Variants in JAK2 observed in about 807,000 individuals in gnomAD.
JAK2 encodes tyrosine-protein kinase JAK2.
JAK2 carries 86 observed loss-of-function variants against 139.3 expected under a neutral mutation model. That is an observed-to-expected ratio of 0.62 (90% confidence interval 0.52 to 0.74). The LOEUF is 0.74. JAK2 is among the 30% of genes least tolerant of loss of function. The pLI is 0.00. For missense variants in JAK2, 1,421 were observed against 1,360.3 expected, an observed-to-expected ratio of 1.04 and a Z score of -0.70; for synonymous variants, 490 against 437.7, an observed-to-expected ratio of 1.12 and a Z score of -1.49.
intron 2 of JAK2, among the ~76,000 whole-genome samples, chr9:5,009,275 C>T (rs1821528781): frequency 6.6e-6 from 1 of 151,898 alleles, no homozygotes; most frequent in East Asian, 1.9e-4. Context: ...GCAAAAGAGG[C>T]AAAATTAAGA....
chr9:5,099,439 TATC>T (rs1429497239), intron 22 of JAK2: 1 of 152,216 alleles, frequency 6.6e-6, no homozygotes, highest in Non-Finnish European at 1.5e-5. Flanking sequence ...GATCCATTAT[TATC>T]CTGTCAATAA....
At chr9:5,042,922 T>C (rs576832185) in intron 4 of JAK2, among the ~76,000 whole-genome samples, 2 of 152,258 alleles carry the variant, frequency 1.3e-5, no homozygotes, top group African/African-American at 4.8e-5. Context: ...AGGTGGGCCC[T>C]GCTAGGAGGG....
At chr9:5,118,916 T>C (rs2130837503) in intron 22 of JAK2, among the ~76,000 whole-genome samples, 1 of 152,332 alleles carries the variant, frequency 6.6e-6, no homozygotes, top group African/African-American at 2.4e-5. Flanking sequence ...GGTTCATCTG[T>C]TTTCTCAATT....
chr9:5,021,512 T>C (rs910908587), intron 2 of JAK2, among the ~76,000 whole-genome samples: 3 of 152,260 alleles, frequency 2.0e-5, no homozygotes, highest in Non-Finnish European at 4.4e-5. Context: ...TTGTATGTAG[T>C]AATACACGAT....
At chr9:5,066,256 A>G (rs1409266857) in intron 9 of JAK2, among the ~76,000 whole-genome samples, 2 of 152,162 alleles carry the variant, frequency 1.3e-5, no homozygotes, top group Non-Finnish European at 2.9e-5. Context: ...CGTACTGAAT[A>G]ATAAAATCAT....
At chr9:4,992,953 A>T (rs1216782342) in intron 2 of JAK2, among the ~76,000 whole-genome samples, 1 of 151,976 alleles carries the variant, frequency 6.6e-6, no homozygotes, top group Non-Finnish European at 1.5e-5. Flanking sequence ...TGAATTATTT[A>T]TCTCCCCCAC....
Position 4,985,308 on chromosome 9 carries a change from C to T in JAK2, c.-431C>T, listed in dbSNP as rs1044266134. ...GCAGCGGACGCCGCTAACGGCCTCC[C>T]TCGGCGCTGACAGGCTGGGCCGGCG... On this transcript the variant is annotated 5_prime_UTR_variant, in exon 1 of 25. Coordinates refer to ENST00000381652, the MANE Select transcript of JAK2 (RefSeq NM_004972.4). 2.0e-5 allele frequency: 3 copies of T among 152,424 alleles called. No homozygotes were observed. Among genetic ancestry groups the T allele is most frequent in the African/African-American group, 7.2e-5 (3 of 41,440 alleles). The allele number at this position is 152,424 out of a possible 1,614,324, so 9.4% of individuals were successfully genotyped here.
At chr9:5,058,975 T>C (rs1465135939) in intron 8 of JAK2, among the ~76,000 whole-genome samples, 1 of 152,214 alleles carries the variant, frequency 6.6e-6, no homozygotes, top group Admixed American at 6.5e-5. Context: ...TCCCATTCCA[T>C]AGATTGCTTT....
rs1820428461 is a variant in JAK2 at position 5,089,773 on chromosome 9, C to T, written c.2671C>T (p.His891Tyr). ...AAAGCTTCAGCATAGTACTGAAGAG[C>T]ACCTAAGAGACTTTGAAAGGGAAAT... is the stretch of plus-strand genomic sequence containing the variant. ...VKKLQHSTEE[H>Y]LRDFEREIEI... Residue 891 changes from histidine to tyrosine, a missense_variant, in exon 20 of 25, where the codon CAC becomes TAC. Coordinates refer to ENST00000381652, the MANE Select transcript of JAK2 (RefSeq NM_004972.4). 1.9e-6 allele frequency: 3 copies of T among 1,598,720 alleles called. No individual in the cohort carries two copies. Among genetic ancestry groups the T allele is most frequent in the East Asian group, 4.6e-5 (2 of 43,256 alleles).
At chr9:5,025,427 TTTTC>T (rs1361452582) in intron 3 of JAK2, among the ~76,000 whole-genome samples, 1 of 152,144 alleles carries the variant, frequency 6.6e-6, no homozygotes, top group Non-Finnish European at 1.5e-5. Context: ...GATGGTGGTT[TTTTC>T]TTTCTTCATT....
intron 8 of JAK2, among the ~76,000 whole-genome samples, chr9:5,064,169 A>C (rs566960115): frequency 1.3e-5 from 2 of 151,896 alleles, no homozygotes; most frequent in African/African-American, 4.8e-5. Flanking sequence ...GGGGGCCACA[A>C]AAAAATCATA....
At chr9:5,033,089 C>T (rs546665587) in intron 4 of JAK2, among the ~76,000 whole-genome samples, 13 of 152,220 alleles carry the variant, frequency 8.5e-5, no homozygotes, top group Admixed American at 7.2e-4. Context: ...ACGAGAACTA[C>T]GTGATGAATG....
At chr9:5,042,596 C>A (rs1228135808) in intron 4 of JAK2, among the ~76,000 whole-genome samples, 1 of 143,158 alleles carries the variant, frequency 7.0e-6, no homozygotes, top group African/African-American at 2.8e-5. Flanking sequence ...GCCCCCAGGG[C>A]TGAGGCCCAG....
intron 4 of JAK2, among the ~76,000 whole-genome samples, chr9:5,034,536 G>A (rs1304603523): frequency 2.7e-5 from 4 of 150,782 alleles, no homozygotes; most frequent in African/African-American, 7.4e-5. Flanking sequence ...ATAACAAACT[G>A]TCTCTCAGAC....
Position 5,081,925 on chromosome 9 carries a change from T to C in JAK2, c.2571+64T>C, listed in dbSNP as rs536316854. ...TTCATTTAGGAAAAACTTAAGAGCG[T>C]TTCTAAAGTTCACTTTCTACAACAT... is the stretch of plus-strand genomic sequence containing the variant. On this transcript the variant is annotated intron_variant, in intron 19 of 24. Coordinates refer to ENST00000381652, the MANE Select transcript of JAK2 (RefSeq NM_004972.4). 8.8e-5 allele frequency: 117 copies of C among 1,330,754 alleles called. 2 individuals are homozygous for C. In the South Asian group the frequency reaches 1.5e-3, roughly 17 times the overall value. The allele number at this position is 1,330,754 out of a possible 1,614,324, so 82.4% of individuals were successfully genotyped here.
intron 3 of JAK2, among the ~76,000 whole-genome samples, chr9:5,029,325 G>A (rs967603790): frequency 5.9e-5 from 9 of 152,060 alleles, no homozygotes; most frequent in Admixed American, 5.9e-4. Context: ...ATATGGGCAC[G>A]GTTCATAGCG....
chr9:5,106,134 T>A (rs1341324275), intron 22 of JAK2, among the ~76,000 whole-genome samples: 1 of 151,978 alleles, frequency 6.6e-6, no homozygotes, highest in Non-Finnish European at 1.5e-5. Context: ...ACCTACAGAA[T>A]GGGAGAAAAT....
chr9:5,111,060 TGA>T, intron 22 of JAK2: 1 of 1,139,986 alleles, frequency 8.8e-7, no homozygotes, highest in Non-Finnish European at 1.3e-6. Flanking sequence ...GTTCAGGTCT[TGA>T]GAACTGGCCC....
chr9:5,117,161 C>T (rs961951454), intron 22 of JAK2, among the ~76,000 whole-genome samples: 1 of 152,212 alleles, frequency 6.6e-6, no homozygotes, highest in Non-Finnish European at 1.5e-5. Flanking sequence ...CTGAACCTGC[C>T]AGCACCTTTA....
Sources: gnomAD v4.1 joint callset for allele counts (sites outside exome capture counted in the v4.1 genomes callset) on GRCh38, gnomAD v4.1.1 for gene constraint, MANE v1.5 for transcripts, NCBI Gene and HGNC (gene_info 2026-07-23, HGNC 2026-07-21) for gene names.